Variants in GPC5 observed in about 807,000 individuals in gnomAD.
GPC5 encodes the protein glypican 5, also known as glypican-5.
Under a neutral mutation model 53.9 loss-of-function variants are expected in GPC5, and 47 were observed. That is an observed-to-expected ratio of 0.87 (90% CI 0.69 to 1.11). The LOEUF (loss-of-function observed/expected upper bound fraction) is 1.11. Ranked by LOEUF, GPC5 falls within the 50% of genes most tolerant of loss-of-function variation. GPC5 has a pLI of 0.00. For missense variants in GPC5, 748 were observed against 713.1 expected (o/e 1.05, Z -0.56); for synonymous variants, 286 against 263.3 (o/e 1.09, Z -0.84).
At chr13:91,566,064 G>T (rs1181244455) in intron 2 of GPC5, among the ~76,000 whole-genome samples, 1 of 151,974 alleles carries the variant, frequency 6.6e-6, no homozygotes, top group Admixed American at 6.6e-5. Flanking sequence ...GCATCATCTC[G>T]TCTCAAGATC....
intron 7 of GPC5, among the ~76,000 whole-genome samples, chr13:92,597,403 G>T (rs1883918295): frequency 1.3e-5 from 2 of 152,058 alleles, no homozygotes; most frequent in Non-Finnish European, 2.9e-5. Flanking sequence ...CATGATGTTT[G>T]ACCAACTGCA....
At chr13:91,833,995 C>G (rs1166045904) in intron 5 of GPC5, among the ~76,000 whole-genome samples, 1 of 152,054 alleles carries the variant, frequency 6.6e-6, no homozygotes, top group East Asian at 1.9e-4. Flanking sequence ...TTAAAAAACC[C>G]CATCATCTCA....
intron 2 of GPC5, among the ~76,000 whole-genome samples, chr13:91,652,317 T>A (rs1045916280): frequency 1.3e-5 from 2 of 152,224 alleles, no homozygotes; most frequent in African/African-American, 4.8e-5. Context: ...AATGGAAGAT[T>A]CATTCTCACT....
chr13:92,487,943 T>C (rs1383685538), intron 7 of GPC5, among the ~76,000 whole-genome samples: 3 of 151,310 alleles, frequency 2.0e-5, no homozygotes, highest in Non-Finnish European at 4.4e-5. Flanking sequence ...TGGAAGGAAA[T>C]ATGAAGGGAA....
chr13:91,809,046 T>G (rs2038269103), intron 5 of GPC5, among the ~76,000 whole-genome samples: 1 of 152,154 alleles, frequency 6.6e-6, no homozygotes, highest in South Asian at 2.1e-4. Context: ...ACTGTATAAC[T>G]TGAAGGACAT....
chr13:92,251,977 C>T (rs528694315), intron 7 of GPC5, among the ~76,000 whole-genome samples: 8 of 152,232 alleles, frequency 5.3e-5, no homozygotes, highest in Non-Finnish European at 8.8e-5. Context: ...TTATCTCAAA[C>T]TGAGTTTATG....
intron 7 of GPC5, among the ~76,000 whole-genome samples, chr13:92,555,836 G>A (rs890060910): frequency 6.6e-6 from 1 of 150,800 alleles, no homozygotes; most frequent in African/African-American, 2.4e-5. Context: ...TACAGGGGTT[G>A]CATTCTTGAT....
intron 6 of GPC5, among the ~76,000 whole-genome samples, chr13:91,913,751 C>T (rs984886733): frequency 2.6e-5 from 4 of 152,152 alleles, no homozygotes; most frequent in African/African-American, 9.7e-5. Flanking sequence ...TGTGCAAATT[C>T]TCAGAGTTGC....
At chr13:92,398,910 C>A (rs908822226) in intron 7 of GPC5, among the ~76,000 whole-genome samples, 2 of 152,156 alleles carry the variant, frequency 1.3e-5, no homozygotes. Context: ...CTCTCCCCCA[C>A]CTTTCCATCC....
intron 2 of GPC5, among the ~76,000 whole-genome samples, chr13:91,527,794 C>T (rs375380281): frequency 1.3e-5 from 2 of 152,216 alleles, no homozygotes; most frequent in African/African-American, 4.8e-5. Context: ...TTATCTTCTG[C>T]ACACCCACTG....
intron 7 of GPC5, among the ~76,000 whole-genome samples, chr13:92,373,211 C>A (rs541403874): frequency 6.6e-6 from 1 of 152,220 alleles, no homozygotes; most frequent in East Asian, 1.9e-4. Flanking sequence ...ATACCTAGAA[C>A]ACATTCTAGT....
At chr13:92,095,316 C>CT (rs2041413465) in intron 6 of GPC5, among the ~76,000 whole-genome samples, 1 of 151,946 alleles carries the variant, frequency 6.6e-6, no homozygotes, top group African/African-American at 2.4e-5. Context: ...GCTTTCAATT[C>CT]TTTTTTCTTA....
At chr13:92,073,040 T>A (rs1348627247) in intron 6 of GPC5, among the ~76,000 whole-genome samples, 1 of 34,860 alleles carries the variant, frequency 2.9e-5, no homozygotes, top group Non-Finnish European at 7.3e-5. Context: ...AACCTACCTC[T>A]TTTTCATGAC....
chr13:92,536,924 GT>G (rs1881744780), intron 7 of GPC5, among the ~76,000 whole-genome samples: 1 of 151,892 alleles, frequency 6.6e-6, no homozygotes, highest in African/African-American at 2.4e-5. Flanking sequence ...TTCTTTGTAA[GT>G]TTTGATCTCT....
At chr13:92,862,484 G>GC (rs1197506385) in intron 7 of GPC5, among the ~76,000 whole-genome samples, 3 of 151,924 alleles carry the variant, frequency 2.0e-5, no homozygotes, top group African/African-American at 7.3e-5. Flanking sequence ...CATTCCATCT[G>GC]CCCCGTACTC....
chr13:91,453,581 T>C (rs1383268492), intron 2 of GPC5, among the ~76,000 whole-genome samples: 1 of 151,980 alleles, frequency 6.6e-6, no homozygotes, highest in Non-Finnish European at 1.5e-5. Context: ...ATTTTTAACA[T>C]TAAGAATTAC....
intron 2 of GPC5, among the ~76,000 whole-genome samples, chr13:91,546,473 C>T (rs143911589): frequency 6.6e-6 from 1 of 152,154 alleles, no homozygotes; most frequent in East Asian, 1.9e-4. Context: ...ATAAGCCAAA[C>T]AATTCCAAAC....
At chr13:91,576,662 G>A (rs911404328) in intron 2 of GPC5, among the ~76,000 whole-genome samples, 1 of 152,136 alleles carries the variant, frequency 6.6e-6, no homozygotes, top group African/African-American at 2.4e-5. Flanking sequence ...CAGGGAAAGA[G>A]ATGTGTTTCC....
intron 6 of GPC5, among the ~76,000 whole-genome samples, chr13:92,070,972 T>G (rs2041206284): frequency 6.6e-6 from 1 of 152,280 alleles, no homozygotes; most frequent in South Asian, 2.1e-4. Flanking sequence ...GAGTGGTGGC[T>G]CACGCCTGTA....
Sources: gnomAD v4.1 joint callset for allele counts (sites outside exome capture counted in the v4.1 genomes callset) on GRCh38, gnomAD v4.1.1 for gene constraint, MANE v1.5 for transcripts, NCBI Gene and HGNC (gene_info 2026-07-23, HGNC 2026-07-21) for gene names.